The following FMN2 variants were observed in gnomAD, a reference collection of about 807,000 sequenced individuals.
The protein encoded by FMN2 is formin 2, also known as formin-2.
In FMN2, 51 loss-of-function variants were observed where a neutral mutation model predicts 142.3. That is an observed-to-expected ratio of 0.36 (90% CI 0.29 to 0.45). The LOEUF (loss-of-function observed/expected upper bound fraction) is 0.45. FMN2 is among the 20% of genes least tolerant of loss of function. The probability of loss-of-function intolerance (pLI) is 1.00; values close to 1 mark genes in which losing one functional copy is unlikely to be tolerated. For synonymous variants in FMN2, 882 were observed against 869.8 expected (o/e 1.01, Z -0.25); for missense variants, 1,936 against 2,122.8 (o/e 0.91, Z 1.73).
At chr1:240,450,601 C>T (rs901359709) in intron 16 of FMN2, among the ~76,000 whole-genome samples, 4 of 152,192 alleles carry the variant, frequency 2.6e-5, no homozygotes, top group Non-Finnish European at 5.9e-5. Flanking sequence ...GAGGTCGCTC[C>T]CTTCCTTTAG....
At chr1:240,154,230 G>T (rs2103278073) in intron 2 of FMN2, among the ~76,000 whole-genome samples, 1 of 151,468 alleles carries the variant, frequency 6.6e-6, no homozygotes, top group Middle Eastern at 3.5e-3. Context: ...GACAGACAAT[G>T]CATCAAAGAG....
intron 7 of FMN2, among the ~76,000 whole-genome samples, chr1:240,276,535 A>G (rs1182411076): frequency 6.6e-6 from 1 of 152,212 alleles, no homozygotes; most frequent in Non-Finnish European, 1.5e-5. Context: ...ATCATCTGAA[A>G]TAATCATGTG....
intron 15 of FMN2, among the ~76,000 whole-genome samples, chr1:240,432,875 G>A (rs748895754): frequency 5.3e-5 from 8 of 152,156 alleles, no homozygotes; most frequent in Non-Finnish European, 7.4e-5. Context: ...GAAATTTACT[G>A]AGACTTGTTT....
chr1:240,272,071 T>A (rs1168956578), intron 7 of FMN2, among the ~76,000 whole-genome samples: 3 of 152,186 alleles, frequency 2.0e-5, no homozygotes, highest in Non-Finnish European at 4.4e-5. Flanking sequence ...ACTTACTGTC[T>A]GAATTGAGAA....
intron 6 of FMN2, among the ~76,000 whole-genome samples, chr1:240,240,947 T>C (rs778419846): frequency 6.6e-6 from 1 of 152,246 alleles, no homozygotes; most frequent in Non-Finnish European, 1.5e-5. Context: ...GATTGTAATG[T>C]TATTTTAATT....
intron 8 of FMN2, among the ~76,000 whole-genome samples, chr1:240,297,893 A>G (rs2102967372): frequency 1.3e-5 from 2 of 152,256 alleles, no homozygotes; most frequent in East Asian, 3.9e-4. Flanking sequence ...TTCCAGGTTC[A>G]CAGACTGCGG....
At chr1:240,159,945 A>C (rs1398636652) in intron 2 of FMN2, among the ~76,000 whole-genome samples, 1 of 112,190 alleles carries the variant, frequency 8.9e-6, no homozygotes, top group African/African-American at 3.0e-5. Context: ...GTGTATATAT[A>C]TATATCTATA....
intron 16 of FMN2, among the ~76,000 whole-genome samples, chr1:240,439,321 C>T (rs1175691776): frequency 6.7e-6 from 1 of 149,820 alleles, no homozygotes; most frequent in Non-Finnish European, 1.5e-5. Flanking sequence ...TCCTGAGAAA[C>T]TTTGTTCACA....
chr1:240,324,424 C>T (rs1671084562), intron 8 of FMN2, among the ~76,000 whole-genome samples: 1 of 152,040 alleles, frequency 6.6e-6, no homozygotes, highest in Non-Finnish European at 1.5e-5. Flanking sequence ...TCGGGAGCTC[C>T]AGGAAGGCGG....
rs1434833466 is a variant in FMN2, at chr1:240,207,088, C to A, written c.2276C>A (p.Pro759His). ...GAGGGCGGGGTGCTGACACTGCCTCCTGTGGATGGGCTGCCAGGGCGTCCT... is the reference window on the plus strand; with the variant it reads ...GAGGGCGGGGTGCTGACACTGCCTCATGTGGATGGGCTGCCAGGGCGTCCT... ...TEEGGVLTLP[P>H]VDGLPGRPPC... The change falls in exon 5 of 18, where the codon CCT becomes CAT. Residue 759 changes from proline (P) to histidine (H), a missense_variant. Physicochemically the swap from Pro to His is moderately conservative, Grantham distance 77. Transcript: ENST00000319653. 1 of 1,614,122 alleles carries A rather than the reference C, an allele frequency of 6.2e-7. No individual in the cohort carries two copies. The highest frequency in any genetic ancestry group is 1.3e-5 in the African/African-American group (1 of 75,030).
chr1:240,396,175 C>T (rs1673763801), intron 15 of FMN2, among the ~76,000 whole-genome samples: 1 of 152,140 alleles, frequency 6.6e-6, no homozygotes, highest in Non-Finnish European at 1.5e-5. Context: ...ACTTAATAGA[C>T]TATAGTATAA....
At chr1:240,127,516 T>G (rs1252254517) in intron 2 of FMN2, among the ~76,000 whole-genome samples, 2 of 152,110 alleles carry the variant, frequency 1.3e-5, no homozygotes, top group Non-Finnish European at 2.9e-5. Flanking sequence ...CTTGCTCTGT[T>G]GCCCAGGTTG....
chr1:240,299,984 T>C lies in FMN2; in HGVS notation c.4215+5101T>C, dbSNP rs193177211. 2.6e-3 allele frequency among the ~76,000 whole-genome samples: 396 copies of C among 152,326 alleles called. 4 individuals carry two copies. Among genetic ancestry groups the C allele is most frequent in the African/African-American group, 8.9e-3 (370 of 41,572 alleles). ...GGTGTACCTTGGCTGGAGGCCTTCC[T>C]ACTTCCTGCAGACTCTCCCCAAACT... On this transcript the variant is annotated intron_variant, in intron 8 of 17. Coordinates refer to ENST00000319653, the MANE Select transcript of FMN2 (RefSeq NM_020066.5).
chr1:240,308,572 C>G (rs369439272), intron 8 of FMN2, among the ~76,000 whole-genome samples: 6 of 152,130 alleles, frequency 3.9e-5, no homozygotes, highest in African/African-American at 1.4e-4. Flanking sequence ...TAAGAACCCA[C>G]GACTGTATTC....
intron 2 of FMN2, chr1:240,143,938 A>C (rs1263766294): frequency 6.7e-6 from 10 of 1,488,056 alleles, no homozygotes; most frequent in Non-Finnish European, 9.4e-6. Flanking sequence ...CAAAGATGGA[A>C]CCAAGTCTCA....
At chr1:240,162,768 C>A (rs1031566570) in intron 2 of FMN2, among the ~76,000 whole-genome samples, 1 of 151,882 alleles carries the variant, frequency 6.6e-6, no homozygotes, top group African/African-American at 2.4e-5. Flanking sequence ...AATCTGTTTC[C>A]TTCTTTCTCC....
intron 2 of FMN2, among the ~76,000 whole-genome samples, chr1:240,139,549 A>G (rs1411294024): frequency 6.6e-6 from 1 of 152,216 alleles, no homozygotes; most frequent in Non-Finnish European, 1.5e-5. Flanking sequence ...GAAAAAAGCT[A>G]CAAAGAGAAT....
intron 8 of FMN2, among the ~76,000 whole-genome samples, chr1:240,317,434 ATC>A (rs1670828282): frequency 6.6e-6 from 1 of 152,154 alleles, no homozygotes; most frequent in African/African-American, 2.4e-5. Flanking sequence ...GTAGTTAATA[ATC>A]TGTTTCCATC....
chr1:240,406,904 AAG>A (rs1436584502), intron 15 of FMN2, among the ~76,000 whole-genome samples: 1 of 152,204 alleles, frequency 6.6e-6, no homozygotes, highest in Non-Finnish European at 1.5e-5. Flanking sequence ...CCATCCTGAA[AAG>A]AGAAAATTTG....
Sources: allele counts gnomAD v4.1 joint callset (sites outside exome capture counted in the v4.1 genomes callset), GRCh38; gene constraint gnomAD v4.1.1; transcripts MANE v1.5; gene names NCBI Gene and HGNC (gene_info 2026-07-23, HGNC 2026-07-21).